KCNQ5: variants seen among roughly 807,000 people sequenced by gnomAD.
The protein encoded by KCNQ5 is potassium voltage-gated channel subfamily KQT member 5.
A neutral mutation model predicts 98.2 loss-of-function variants in KCNQ5; 30 were observed. The observed-to-expected ratio is 0.31, with a 90% CI of 0.23 to 0.41. The LOEUF (loss-of-function observed/expected upper bound fraction) is 0.41. Ranked by LOEUF, KCNQ5 falls within the 10% of genes least tolerant of loss-of-function variation. KCNQ5 has a pLI of 1.00. For missense variants in KCNQ5, 835 were observed against 1,182.5 expected (o/e 0.71, Z 4.31); for synonymous variants, 458 against 449.4 (o/e 1.02, Z -0.24).
At chr6:72,687,934 G>A (rs1582116423) in intron 1 of KCNQ5, among the ~76,000 whole-genome samples, 1 of 151,192 alleles carries the variant, frequency 6.6e-6, no homozygotes, top group African/African-American at 2.4e-5. Context: ...CGCCTCCCAG[G>A]TTCAAGCGAT....
rs199842840 is a variant in KCNQ5, at chr6:73,129,734, A to G, written c.1248-3687A>G. On this transcript the variant is annotated intron_variant, in intron 9 of 13. Coordinates refer to ENST00000370398, the MANE Select transcript of KCNQ5 (RefSeq NM_019842.4). ...CTTTGTTTTTATAAAAGAATCCCTG[A>G]GCACTTTCCTATTCGTGAAATGCTT... 1.0e-4 allele frequency: 143 copies of G among 1,431,144 alleles called. 1 individual carries two copies. In the East Asian group the frequency reaches 3.3e-3, roughly 33 times the overall value. The allele number at this position is 1,431,144 out of a possible 1,614,324, so 88.7% of individuals were successfully genotyped here.
intron 2 of KCNQ5, among the ~76,000 whole-genome samples, chr6:73,021,077 T>C (rs1770585001): frequency 1.3e-5 from 2 of 152,180 alleles, no homozygotes; most frequent in South Asian, 2.1e-4. Context: ...TTCCTATCAA[T>C]TTATTAATTC....
intron 11 of KCNQ5, among the ~76,000 whole-genome samples, chr6:73,178,342 C>T: frequency 6.6e-6 from 1 of 151,242 alleles, no homozygotes; most frequent in East Asian, 1.9e-4. Context: ...AATTTCAACA[C>T]TTTGGGAGGC....
chr6:72,972,198 G>T (rs1767937048), intron 1 of KCNQ5, among the ~76,000 whole-genome samples: 2 of 152,096 alleles, frequency 1.3e-5, no homozygotes, highest in Non-Finnish European at 2.9e-5. Flanking sequence ...AATCTGCCAT[G>T]CCAGAAAGCC....
chr6:73,061,511 G>A (rs927853774), intron 3 of KCNQ5, among the ~76,000 whole-genome samples: 11 of 151,992 alleles, frequency 7.2e-5, no homozygotes, highest in Admixed American at 1.3e-4. Flanking sequence ...CAGTTGTTCC[G>A]AATCTACTCA....
At chr6:72,846,123 A>T (rs1582401015) in intron 1 of KCNQ5, among the ~76,000 whole-genome samples, 1 of 152,200 alleles carries the variant, frequency 6.6e-6, no homozygotes, top group Non-Finnish European at 1.5e-5. Flanking sequence ...ATGAATGCAA[A>T]CTACTCCAGC....
chr6:72,739,561 A>G (rs1771025345), intron 1 of KCNQ5, among the ~76,000 whole-genome samples: 1 of 152,226 alleles, frequency 6.6e-6, no homozygotes, highest in Non-Finnish European at 1.5e-5. Context: ...CCGCCTCACT[A>G]AATTTCATTT....
chr6:72,702,824 ATCAT>A (rs1768889213), intron 1 of KCNQ5, among the ~76,000 whole-genome samples: 1 of 152,230 alleles, frequency 6.6e-6, no homozygotes, highest in South Asian at 2.1e-4. Context: ...ATAAAAAGAA[ATCAT>A]TCATATTTAT....
intron 10 of KCNQ5, among the ~76,000 whole-genome samples, chr6:73,139,759 C>A (rs1340959156): frequency 6.6e-6 from 1 of 152,106 alleles, no homozygotes; most frequent in Non-Finnish European, 1.5e-5. Flanking sequence ...ACAGTCAGCC[C>A]ATAAATGTTC....
At chr6:72,806,398 A>G (rs993855196) in intron 1 of KCNQ5, among the ~76,000 whole-genome samples, 1 of 152,086 alleles carries the variant, frequency 6.6e-6, no homozygotes, top group East Asian at 1.9e-4. Flanking sequence ...TTGAGGAAGT[A>G]GGAATGGGAA....
intron 6 of KCNQ5, among the ~76,000 whole-genome samples, chr6:73,106,496 T>G (rs529719053): frequency 3.3e-5 from 5 of 152,292 alleles, no homozygotes; most frequent in Admixed American, 1.3e-4. Flanking sequence ...AATCAAAGCA[T>G]TGAGAAACCA....
At chr6:72,673,050 C>T (rs1277362612) in intron 1 of KCNQ5, among the ~76,000 whole-genome samples, 2 of 152,148 alleles carry the variant, frequency 1.3e-5, no homozygotes, top group African/African-American at 4.8e-5. Flanking sequence ...AAATAACTTT[C>T]CAGTAGTGAG....
intron 1 of KCNQ5, among the ~76,000 whole-genome samples, chr6:72,626,045 A>G (rs2098917844): frequency 6.6e-6 from 1 of 152,204 alleles, no homozygotes; most frequent in Non-Finnish European, 1.5e-5. Context: ...CTATGTATCC[A>G]TCTACAATTA....
At chr6:72,758,191 A>C (rs1258761252) in intron 1 of KCNQ5, among the ~76,000 whole-genome samples, 2 of 152,012 alleles carry the variant, frequency 1.3e-5, no homozygotes, top group Non-Finnish European at 2.9e-5. Flanking sequence ...CACATGACAC[A>C]TATCATAAGA....
intron 5 of KCNQ5, among the ~76,000 whole-genome samples, chr6:73,099,098 T>A (rs773508057): frequency 6.8e-6 from 1 of 147,938 alleles, no homozygotes; most frequent in South Asian, 2.3e-4. Context: ...TAATGGGTTA[T>A]AAGATATTAT....
At chr6:73,137,129 T>C (rs1776507109) in intron 10 of KCNQ5, among the ~76,000 whole-genome samples, 1 of 152,206 alleles carries the variant, frequency 6.6e-6, no homozygotes, top group Non-Finnish European at 1.5e-5. Context: ...AGGGTTAATC[T>C]GTAAATTTTA....
chr6:72,852,660 T>TATATATATATAA (rs1232591580), intron 1 of KCNQ5, among the ~76,000 whole-genome samples: 13 of 128,498 alleles, frequency 1.0e-4, no homozygotes, highest in African/African-American at 3.3e-4. Flanking sequence ...TATATATATA[T>TATATATATATAA]AAATGGCACT....
chr6:72,984,010 A>C (rs1768612499), intron 1 of KCNQ5, among the ~76,000 whole-genome samples: 1 of 152,114 alleles, frequency 6.6e-6, no homozygotes, highest in South Asian at 2.1e-4. Flanking sequence ...CCTGGGTGTC[A>C]CCAGTGGAGG....
intron 3 of KCNQ5, among the ~76,000 whole-genome samples, chr6:73,057,091 A>G (rs980471348): frequency 1.3e-4 from 20 of 152,218 alleles, no homozygotes; most frequent in Admixed American, 1.1e-3. Flanking sequence ...AAGTCCATCA[A>G]TGATAGACTG....
Sources: allele counts gnomAD v4.1 joint callset (sites outside exome capture counted in the v4.1 genomes callset), GRCh38; gene constraint gnomAD v4.1.1; transcripts MANE v1.5; gene names NCBI Gene and HGNC (gene_info 2026-07-23, HGNC 2026-07-21).